The following SELENOK variants were observed in gnomAD, a reference collection of about 807,000 sequenced individuals.
SELENOK encodes the protein selenoprotein K.
SELENOK carries 11 observed loss-of-function variants against 17.3 expected under a neutral mutation model. The ratio of observed to expected loss-of-function variants is 0.63; its 90% CI spans 0.40 to 1.05. The LOEUF (loss-of-function observed/expected upper bound fraction) is 1.05, where lower values mean the gene tolerates loss of function less well. Among genes scored for constraint, SELENOK ranks in the 50% least tolerant of loss-of-function variants. SELENOK has a pLI of 0.00. For missense variants in SELENOK, 125 were observed against 113.9 expected (o/e 1.10, Z -0.44); for synonymous variants, 45 against 35.4 (o/e 1.27, Z -0.97).
chr3:53,886,016 G>T, intron 3 of SELENOK, 104 bp from the exon 4 acceptor site: 1 of 742,034 alleles, frequency 1.3e-6, no homozygotes, highest in Non-Finnish European at 2.1e-6. Flanking sequence ...GCACCCACAT[G>T]ACCCTAAAAC....
intron 2 of SELENOK, among the ~76,000 whole-genome samples, chr3:53,887,661 T>C (rs1700136558): frequency 6.6e-6 from 1 of 152,216 alleles, no homozygotes; most frequent in African/African-American, 2.4e-5. Flanking sequence ...GTTTCCTTTA[T>C]CTGGGATAAC....
intron 1 of SELENOK, among the ~76,000 whole-genome samples, chr3:53,891,242 C>G (rs1182439160): frequency 6.6e-6 from 1 of 152,160 alleles, no homozygotes; most frequent in Non-Finnish European, 1.5e-5. Flanking sequence ...AACAAGGACG[C>G]TGACGTCAGC....
intron 1 of SELENOK, among the ~76,000 whole-genome samples, chr3:53,891,259 G>A (rs1700166904): frequency 6.6e-6 from 1 of 152,174 alleles, no homozygotes; most frequent in Non-Finnish European, 1.5e-5. Context: ...CAGCCTACCT[G>A]TGATCGAATC....
intron 1 of SELENOK, among the ~76,000 whole-genome samples, chr3:53,889,516 T>A (rs934157874): frequency 6.6e-6 from 1 of 152,262 alleles, no homozygotes; most frequent in Non-Finnish European, 1.5e-5. Context: ...TATCTGTTGA[T>A]GGACACTTGA....
chr3:53,891,325 A>C (rs1700167298), intron 1 of SELENOK, among the ~76,000 whole-genome samples: 1 of 152,206 alleles, frequency 6.6e-6, no homozygotes, highest in Non-Finnish European at 1.5e-5. Flanking sequence ...AAGCTATTTA[A>C]TCTATCTGAG....
intron 1 of SELENOK, 150 bp downstream of exon 1, chr3:53,891,620 G>A (rs1700169689): frequency 1.0e-6 from 1 of 972,748 alleles, no homozygotes. Flanking sequence ...GCCGCAAGCC[G>A]AGGCGACTTC....
intron 3 of SELENOK, 47 bp downstream of exon 3, chr3:53,886,804 G>T (rs1350519017): frequency 2.2e-5 from 25 of 1,139,672 alleles, no homozygotes; most frequent in Non-Finnish European, 3.1e-5. Context: ...TCTAATAAAG[G>T]TATACAAAGA....
chr3:53,886,872 G>C lies in SELENOK; in HGVS notation c.173C>G (p.Ser58Cys), dbSNP rs1373395251. 29 of 1,567,260 alleles carry C rather than the reference G, an allele frequency of 1.9e-5. No homozygotes were observed. Among genetic ancestry groups the C allele is most frequent in the Non-Finnish European group, 2.4e-5 (28 of 1,154,712 alleles). The part of the protein sequence containing the change: ...KRRSYGNSSD[S>C]RYDDGRGPPG... ...GTACCCTCTTCCATCATCATATCTG[G>C]AATCAGATGAGTTTCCATAGCTTCT... is the stretch of plus-strand genomic sequence containing the variant. The change falls in exon 3 of 5, where the codon TCC becomes TGC. Residue 58 changes from serine (S) to cysteine (C), a missense_variant. By Grantham distance (112) the Ser-to-Cys change is moderately radical. Coordinates refer to ENST00000495461, the MANE Select transcript of SELENOK (RefSeq NM_021237.5).
chr3:53,888,901 C>CA (rs1700145519), intron 1 of SELENOK, among the ~76,000 whole-genome samples: 1 of 151,882 alleles, frequency 6.6e-6, no homozygotes, highest in South Asian at 2.1e-4. Context: ...CTAAAAACTA[C>CA]AAAAAATTAG....
intron 4 of SELENOK, 131 bp from the exon 5 acceptor site, chr3:53,885,692 G>A (rs1410346065): frequency 8.1e-7 from 1 of 1,236,008 alleles, no homozygotes; most frequent in Non-Finnish European, 1.2e-6. Flanking sequence ...ATTTTTCAAG[G>A]GTTAAGATAA....
At chr3:53,888,765 A>G (rs1327332039) in intron 1 of SELENOK, among the ~76,000 whole-genome samples, 3 of 152,174 alleles carry the variant, frequency 2.0e-5, no homozygotes, top group Non-Finnish European at 4.4e-5. Flanking sequence ...TTCTATAAAT[A>G]TATAACAAAG....
Position 53,891,855 on chromosome 3 carries a change from T to A in SELENOK, c.-67A>T. On this transcript the variant is annotated 5_prime_UTR_variant, in exon 1 of 5. Coordinates refer to ENST00000495461, the MANE Select transcript of SELENOK (RefSeq NM_021237.5). Reference sequence around the variant, plus strand: ...CCCTGTCGGTTTCTGTATCTCCCTCTGCTCCCCGCCCTTCGAGCGTCACAG... The same window carrying A: ...CCCTGTCGGTTTCTGTATCTCCCTCAGCTCCCCGCCCTTCGAGCGTCACAG... The A allele has an allele frequency of 6.4e-7, 1 of 1,560,542 alleles. No homozygotes were observed. Among genetic ancestry groups the A allele is most frequent in the African/African-American group, 1.4e-5 (1 of 73,882 alleles).
chr3:53,890,402 C>G (rs550745842), intron 1 of SELENOK, among the ~76,000 whole-genome samples: 2 of 152,308 alleles, frequency 1.3e-5, no homozygotes, highest in South Asian at 4.1e-4. Context: ...TTCTATCTTG[C>G]TTTTCCACTT....
intron 1 of SELENOK, among the ~76,000 whole-genome samples, chr3:53,891,547 C>T (rs962343637): frequency 2.6e-5 from 4 of 152,178 alleles, no homozygotes; most frequent in African/African-American, 9.7e-5. Flanking sequence ...GCTCCCAGTA[C>T]TCAACGTGAG....
rs1576872611 is a variant in SELENOK at position 53,885,258 on chromosome 3, TGAG to T, written c.*297_*299del. ...GATTGCTTTTTCGTGAATATAAAGA[TGAG>T]GAGTCCATTCTGCAACCTAAAAATA... On this transcript the variant is annotated 3_prime_UTR_variant, in exon 5 of 5. Transcript: ENST00000495461. 7.9e-6 allele frequency: 2 copies of T among 251,634 alleles called. No homozygotes were observed. Among genetic ancestry groups the T allele is most frequent in the Non-Finnish European group, 7.4e-6 (1 of 134,644 alleles). 15.6% of individuals were successfully genotyped at this position (251,634 alleles called of 1,614,324 possible).
Position 53,884,476 on chromosome 3 carries a change from A to G in SELENOK, c.*1082T>C, listed in dbSNP as rs1700108611. ...AATACTACATGACTATCTTACATGT[A>G]GTCACTATTCAAAGGACTGGGGTAA... On this transcript the variant is annotated 3_prime_UTR_variant, in exon 5 of 5. Coordinates refer to ENST00000495461, the MANE Select transcript of SELENOK (RefSeq NM_021237.5). 1 of 152,254 alleles carries G rather than the reference A, an allele frequency of 6.6e-6. No homozygotes were observed. The highest frequency in any genetic ancestry group is 2.1e-4 in the South Asian group (1 of 4,836). The allele number at this position is 152,254 out of a possible 1,614,324, so 9.4% of individuals were successfully genotyped here.
chr3:53,890,384 C>T (rs1012899354), intron 1 of SELENOK, among the ~76,000 whole-genome samples: 10 of 152,162 alleles, frequency 6.6e-5, no homozygotes, highest in Non-Finnish European at 1.2e-4. Flanking sequence ...TCATTTCTTC[C>T]TCTGTGATTC....
intron 1 of SELENOK, among the ~76,000 whole-genome samples, chr3:53,890,628 TCA>T (rs1325524847): frequency 6.6e-6 from 1 of 152,228 alleles, no homozygotes; most frequent in African/African-American, 2.4e-5. Context: ...TAAGCTTATA[TCA>T]CAAAGGCTAT....
chr3:53,886,212 C>T (rs1193353608), intron 3 of SELENOK, among the ~76,000 whole-genome samples: 1 of 152,172 alleles, frequency 6.6e-6, no homozygotes. Context: ...AAACATAAGC[C>T]TAGCCCAGTG....
Sources: allele counts gnomAD v4.1 joint callset (sites outside exome capture counted in the v4.1 genomes callset), GRCh38; gene constraint gnomAD v4.1.1; transcripts MANE v1.5; gene names NCBI Gene and HGNC (gene_info 2026-07-23, HGNC 2026-07-21).